Variants in FMN1 observed in about 807,000 individuals in gnomAD.
FMN1 encodes the protein formin-1.
Under a neutral mutation model 132.4 loss-of-function variants are expected in FMN1, and 110 were observed. The ratio of observed to expected loss-of-function variants is 0.83; its 90% CI spans 0.71 to 0.97. FMN1 has a LOEUF of 0.97. FMN1 is among the 50% of genes least tolerant of loss of function. The probability of loss-of-function intolerance (pLI) is 0.00; values close to 1 mark genes in which losing one functional copy is unlikely to be tolerated. For missense variants in FMN1, 1,792 were observed against 1,705.3 expected, an observed-to-expected ratio of 1.05 and a Z score of -0.90; for synonymous variants, 722 against 651.7, an observed-to-expected ratio of 1.11 and a Z score of -1.64.
chr15:32,991,370 A>G (rs991370484), intron 7 of FMN1, among the ~76,000 whole-genome samples: 1 of 152,176 alleles, frequency 6.6e-6, no homozygotes, highest in Non-Finnish European at 1.5e-5. Context: ...TTCCTGCACC[A>G]TCTACATCTA....
In FMN1 at chr15:32,771,788, T is replaced by C. The variant is rs1463077438; in HGVS notation, c.*2522A>G. On this transcript the variant is annotated 3_prime_UTR_variant, in exon 21 of 21. Transcript: ENST00000616417. ...ACTGAACACAAGCTCAACAGCATTT[T>C]AGAGGGATCATTTTCAAGGCCTCCA... is the stretch of plus-strand genomic sequence containing the variant. 1 of 152,230 alleles carries C rather than the reference T, an allele frequency of 6.6e-6. No individual in the cohort carries two copies. Among genetic ancestry groups the C allele is most frequent in the Non-Finnish European group, 1.5e-5 (1 of 68,034 alleles). The allele number at this position is 152,230 out of a possible 1,614,324, so 9.4% of individuals were successfully genotyped here.
At chr15:32,910,103 A>G (rs1466338638) in intron 11 of FMN1, among the ~76,000 whole-genome samples, 1 of 152,212 alleles carries the variant, frequency 6.6e-6, no homozygotes, top group East Asian at 1.9e-4. Context: ...AAGAGTAATC[A>G]TCCAAGCTGG....
At chr15:33,059,874 A>G (rs186595880) in intron 6 of FMN1, among the ~76,000 whole-genome samples, 74 of 152,312 alleles carry the variant, frequency 4.9e-4, no homozygotes, top group South Asian at 1.4e-3. Flanking sequence ...CTTGAACACA[A>G]TATGTGATTC....
intron 9 of FMN1, among the ~76,000 whole-genome samples, chr15:32,949,944 T>TATATATATATATATATATATATACACAC (rs2061589865): frequency 9.3e-5 from 5 of 53,742 alleles, no homozygotes; most frequent in Admixed American, 2.1e-4. Flanking sequence ...AAAAAGCATA[T>TATATATATATATATATATATATACACAC]ATATATATAT....
chr15:33,120,270 A>C (rs2444956), intron 4 of FMN1, among the ~76,000 whole-genome samples: 47,693 of 152,028 alleles, frequency 0.31, 7,908 homozygotes, highest in East Asian at 0.64. Flanking sequence ...TGTTTACAAA[A>C]CTTGGCACAC....
chr15:32,824,805 G>A (rs2058323728), intron 17 of FMN1, among the ~76,000 whole-genome samples: 3 of 152,174 alleles, frequency 2.0e-5, no homozygotes, highest in Non-Finnish European at 2.9e-5. Context: ...TCGTTCTGCC[G>A]ATGAATCTCA....
intron 4 of FMN1, among the ~76,000 whole-genome samples, chr15:33,100,757 CGTT>C (rs1189133697): frequency 5.3e-5 from 8 of 152,254 alleles, no homozygotes; most frequent in Middle Eastern, 3.4e-3. Flanking sequence ...GAATCATCAT[CGTT>C]GTTATTTGAG....
chr15:32,996,820 C>T (rs1230270824), intron 7 of FMN1, among the ~76,000 whole-genome samples: 2 of 152,118 alleles, frequency 1.3e-5, no homozygotes, highest in African/African-American at 4.8e-5. Flanking sequence ...CCATTTATCA[C>T]ACATGAACAC....
chr15:32,954,678 G>A (rs1185802300), intron 9 of FMN1, among the ~76,000 whole-genome samples: 1 of 152,214 alleles, frequency 6.6e-6, no homozygotes, highest in Non-Finnish European at 1.5e-5. Context: ...AGAACTTGCA[G>A]TTAAATGCAG....
intron 4 of FMN1, among the ~76,000 whole-genome samples, chr15:33,114,395 G>A (rs2140140523): frequency 6.6e-6 from 1 of 152,326 alleles, no homozygotes; most frequent in South Asian, 2.1e-4. Flanking sequence ...ATAAATATAT[G>A]CAGAAATGAT....
At chr15:33,141,574 T>C (rs893726623) in intron 4 of FMN1, among the ~76,000 whole-genome samples, 3 of 152,222 alleles carry the variant, frequency 2.0e-5, no homozygotes, top group Non-Finnish European at 2.9e-5. Flanking sequence ...TTGGAGAAGA[T>C]GCAATTTTGA....
intron 4 of FMN1, among the ~76,000 whole-genome samples, chr15:33,127,243 T>C (rs1323842512): frequency 6.6e-6 from 1 of 152,170 alleles, no homozygotes; most frequent in Non-Finnish European, 1.5e-5. Flanking sequence ...GGATCATCAC[T>C]ACCTAACCAC....
intron 17 of FMN1, among the ~76,000 whole-genome samples, chr15:32,818,604 A>T (rs2058119933): frequency 6.6e-6 from 1 of 152,232 alleles, no homozygotes; most frequent in Admixed American, 6.5e-5. Flanking sequence ...AGTGTCTAAT[A>T]CTGCAAAGTA....
intron 4 of FMN1, among the ~76,000 whole-genome samples, chr15:33,123,011 G>A (rs372359703): frequency 4.6e-5 from 7 of 151,050 alleles, no homozygotes; most frequent in African/African-American, 9.8e-5. Flanking sequence ...GCCGAGAGAG[G>A]TTAAGTAATC....
intron 6 of FMN1, among the ~76,000 whole-genome samples, chr15:33,026,981 T>G (rs145177404): frequency 5.9e-5 from 9 of 152,334 alleles, no homozygotes; most frequent in African/African-American, 2.2e-4. Flanking sequence ...ATTCAAAATT[T>G]AAGATCTGAA....
chr15:32,964,029 A>ACACACG, intron 9 of FMN1, 78 bp downstream of exon 9: 1 of 961,844 alleles, frequency 1.0e-6, no homozygotes, highest in Non-Finnish European at 1.6e-6. Context: ...ACACACACAC[A>ACACACG]CACACACACA....
intron 9 of FMN1, among the ~76,000 whole-genome samples, chr15:32,961,993 T>C (rs1596351091): frequency 2.6e-5 from 4 of 152,200 alleles, no homozygotes; most frequent in Admixed American, 6.5e-5. Context: ...CCATTTAAAA[T>C]TGCAGACCTC....
chr15:33,186,545 G>C (rs551823409), intron 2 of FMN1, among the ~76,000 whole-genome samples: 5 of 151,820 alleles, frequency 3.3e-5, no homozygotes. Flanking sequence ...TACAGTTCTT[G>C]CAACTGTCAC....
chr15:33,082,461 T>C (rs1213363260), intron 5 of FMN1, among the ~76,000 whole-genome samples: 1 of 152,132 alleles, frequency 6.6e-6, no homozygotes, highest in Non-Finnish European at 1.5e-5. Context: ...GCCATACCTC[T>C]TTTTAGGGTC....
Sources: allele counts gnomAD v4.1 joint callset (sites outside exome capture counted in the v4.1 genomes callset), GRCh38; gene constraint gnomAD v4.1.1; transcripts MANE v1.5; gene names NCBI Gene and HGNC (gene_info 2026-07-23, HGNC 2026-07-21).